ESRRG: variants seen among roughly 807,000 people sequenced by gnomAD.
ESRRG encodes estrogen related receptor gamma, also known as estrogen-related receptor gamma.
In ESRRG, 13 loss-of-function variants were observed where a neutral mutation model predicts 44.0. The ratio of observed to expected loss-of-function variants is 0.30; its 90% CI spans 0.19 to 0.47. The LOEUF is 0.47. ESRRG is among the 20% of genes least tolerant of loss of function. ESRRG has a pLI of 1.00. For synonymous variants in ESRRG, 215 were observed against 214.6 expected, an observed-to-expected ratio of 1.00 and a Z score of -0.02; for missense variants, 395 against 580.6, an observed-to-expected ratio of 0.68 and a Z score of 3.29.
chr1:217,097,133 A>G (rs12034683), intron 1 of ESRRG, among the ~76,000 whole-genome samples: 41,969 of 151,960 alleles, frequency 0.28, 5,934 homozygotes, highest in Non-Finnish European at 0.29. Flanking sequence ...GAGGATCAGG[A>G]TTGCGAATAG....
intron 2 of ESRRG, among the ~76,000 whole-genome samples, chr1:216,906,167 A>C (rs1436880): frequency 0.043 from 6,536 of 152,270 alleles, 253 homozygotes; most frequent in East Asian, 0.11. Context: ...ACTTTTTCTT[A>C]GTTTGAACTA....
intron 1 of ESRRG, chr1:216,682,117 T>C (rs1157010786): frequency 6.6e-6 from 1 of 152,266 alleles, no homozygotes; most frequent in Admixed American, 6.5e-5. Context: ...TTTCATCATG[T>C]GAATTTTACA....
At chr1:216,676,028 G>T (rs1246221572) in intron 2 of ESRRG, among the ~76,000 whole-genome samples, 1 of 152,152 alleles carries the variant, frequency 6.6e-6, no homozygotes, top group Non-Finnish European at 1.5e-5. Flanking sequence ...TAGACTTTGT[G>T]TCCATAACTG....
At chr1:216,949,367 A>G (rs2066586712) in intron 1 of ESRRG, among the ~76,000 whole-genome samples, 1 of 152,210 alleles carries the variant, frequency 6.6e-6, no homozygotes, top group South Asian at 2.1e-4. Flanking sequence ...TCAAGTCACA[A>G]ACTTTTATGG....
At chr1:216,889,971 A>C (rs1436973722) in intron 2 of ESRRG, among the ~76,000 whole-genome samples, 1 of 152,184 alleles carries the variant, frequency 6.6e-6, no homozygotes, top group African/African-American at 2.4e-5. Context: ...CTCCACATTA[A>C]ATGACTTTAA....
chr1:216,819,497 T>C (rs1044925306), intron 2 of ESRRG, among the ~76,000 whole-genome samples: 1 of 152,348 alleles, frequency 6.6e-6, no homozygotes, highest in East Asian at 1.9e-4. Context: ...TTTCACTTCA[T>C]GGAATGGTCC....
At chr1:216,746,229 A>G (rs1434303343) in intron 2 of ESRRG, among the ~76,000 whole-genome samples, 2 of 152,222 alleles carry the variant, frequency 1.3e-5, no homozygotes, top group Non-Finnish European at 2.9e-5. Flanking sequence ...CTAGTAAGTG[A>G]CAGAACCAGA....
chr1:217,128,909 G>A (rs924799444), intron 1 of ESRRG, among the ~76,000 whole-genome samples: 3 of 152,076 alleles, frequency 2.0e-5, no homozygotes, highest in African/African-American at 7.2e-5. Flanking sequence ...GGCGGAGGTA[G>A]GAGGATCACT....
chr1:216,704,011 G>A (rs1468023891), intron 1 of ESRRG, among the ~76,000 whole-genome samples: 1 of 152,172 alleles, frequency 6.6e-6, no homozygotes, highest in African/African-American at 2.4e-5. Context: ...TTTTCTTGAA[G>A]TAAAAAGTAT....
Position 216,955,802 on chromosome 1 carries a change from T to C in ESRRG, c.-105-16129A>G, listed in dbSNP as rs145970970. The stretch of plus-strand genomic sequence containing the variant: ...TTTGCAATTCCCTGATGACTAGTGA[T>C]GTTGAACATTTTTTCAAATACTTAT... On this transcript the variant is annotated intron_variant, in intron 1 of 7. Transcript: ENST00000359162. Among the ~76,000 whole-genome samples, 709 of 152,298 alleles carry C rather than the reference T, an allele frequency of 4.7e-3. 9 individuals are homozygous for C. Among genetic ancestry groups the C allele is most frequent in the African/African-American group, 0.016 (672 of 41,590 alleles).
At chr1:217,035,613 A>G (rs142232688) in intron 1 of ESRRG, among the ~76,000 whole-genome samples, 1 of 152,190 alleles carries the variant, frequency 6.6e-6, no homozygotes, top group East Asian at 1.9e-4. Context: ...TGCGATATTT[A>G]ATAGGATGTT....
At chr1:216,646,018 TC>T (rs1295570192) in intron 3 of ESRRG, among the ~76,000 whole-genome samples, 1 of 152,104 alleles carries the variant, frequency 6.6e-6, no homozygotes, top group Non-Finnish European at 1.5e-5. Context: ...CTCTCTGCTT[TC>T]TCTTCTTCCT....
In ESRRG at chr1:216,575,306, G is replaced by T. The variant is rs2061500024; in HGVS notation, c.590-7208C>A. ...AGTAGATATTTTCTCTAACTATATT[G>T]CCTGTTCTCAAAATAGATTATGATA... On this transcript the variant is annotated intron_variant, in intron 3 of 6. Transcript: ENST00000408911. Among the ~76,000 whole-genome samples, 3 of 152,128 alleles carry T rather than the reference G, an allele frequency of 2.0e-5. No individual in the cohort carries two copies. The Middle Eastern group carries it at 0.01, about 517-fold the overall frequency.
At chr1:216,793,064 G>A (rs182653961) in intron 2 of ESRRG, among the ~76,000 whole-genome samples, 39 of 152,202 alleles carry the variant, frequency 2.6e-4, no homozygotes, top group East Asian at 2.5e-3. Flanking sequence ...TGCTCCTTTT[G>A]GAAAATCCAT....
chr1:216,734,992 T>A (rs1452616385), intron 2 of ESRRG, among the ~76,000 whole-genome samples: 2 of 138,016 alleles, frequency 1.4e-5, no homozygotes. Context: ...TACTACAACC[T>A]CCGCCTCCTG....
intron 1 of ESRRG, among the ~76,000 whole-genome samples, chr1:216,972,672 A>G (rs1396302965): frequency 6.6e-6 from 1 of 152,200 alleles, no homozygotes; most frequent in Admixed American, 6.5e-5. Flanking sequence ...TAGAAACACA[A>G]GTTTAAGTGT....
chr1:216,808,836 C>A (rs147942182), intron 2 of ESRRG, among the ~76,000 whole-genome samples: 1 of 152,230 alleles, frequency 6.6e-6, no homozygotes, highest in East Asian at 1.9e-4. Flanking sequence ...TTTGACCATT[C>A]CTCAGTTGAT....
chr1:216,768,844 C>T (rs925136537), intron 2 of ESRRG, among the ~76,000 whole-genome samples: 1 of 151,980 alleles, frequency 6.6e-6, no homozygotes, highest in Non-Finnish European at 1.5e-5. Flanking sequence ...AGCTCAACCT[C>T]AGAAAAGTGA....
intron 1 of ESRRG, among the ~76,000 whole-genome samples, chr1:217,100,951 G>T (rs1024119376): frequency 1.3e-5 from 2 of 152,146 alleles, no homozygotes; most frequent in Admixed American, 6.5e-5. Flanking sequence ...CTACTTTATG[G>T]CCACAAAGCC....
Sources: gnomAD v4.1 joint callset for allele counts (sites outside exome capture counted in the v4.1 genomes callset) on GRCh38, gnomAD v4.1.1 for gene constraint, MANE v1.5 for transcripts, NCBI Gene and HGNC (gene_info 2026-07-23, HGNC 2026-07-21) for gene names.